SIRPG: variants seen among roughly 807,000 people sequenced by gnomAD.
SIRPG encodes the protein signal-regulatory protein gamma.
SIRPG carries 38 observed loss-of-function variants against 35.7 expected under a neutral mutation model. The observed-to-expected ratio is 1.06, with a 90% CI of 0.82 to 1.40. The LOEUF is 1.40. Among genes scored for constraint, SIRPG ranks in the 40% most tolerant of loss-of-function variants. SIRPG has a pLI of 0.00. For synonymous variants in SIRPG, 215 were observed against 190.4 expected, an observed-to-expected ratio of 1.13 and a Z score of -1.06; for missense variants, 519 against 483.0, an observed-to-expected ratio of 1.07 and a Z score of -0.70.
Position 1,649,383 on chromosome 20 carries a change from C to G in SIRPG, c.99G>C (p.Gln33His), listed in dbSNP as rs576810342. 3.1e-6 allele frequency: 5 copies of G among 1,608,808 alleles called. No individual in the cohort carries two copies. Among genetic ancestry groups the G allele is most frequent in the East Asian group, 2.2e-5 (1 of 44,748 alleles). The change falls in exon 2 of 6, where the codon CAG (glutamine) becomes CAC (histidine). Residue 33 changes from glutamine (Q) to histidine (H), a missense_variant. Coordinates refer to ENST00000303415, the MANE Select transcript of SIRPG (RefSeq NM_018556.4). ...ACAGGAGCTTCTCAGGCTGAATCAT[C>G]TGTAGCTCCTCCTCACCTGCCACTT... Reference protein sequence around the residue: ...LTEVAGEEELQMIQPEKLLLV... With the variant: ...LTEVAGEEELHMIQPEKLLLV...
At position 1,649,349 on chromosome 20, in the gene SIRPG, C is replaced by T; in HGVS notation, c.133G>A (p.Val45Ile). 1.2e-6 allele frequency: 2 copies of T among 1,614,060 alleles called. No individual in the cohort carries two copies. Among genetic ancestry groups the T allele is most frequent in the Non-Finnish European group, 8.5e-7 (1 of 1,179,988 alleles). ...CAGTGCAGAGTGGCTGTCTTTCCAA[C>T]TGTGACCAACAGGAGCTTCTCAGGC... The part of the protein sequence containing the change: ...IQPEKLLLVT[V>I]GKTATLHCTV... Residue 45 changes from valine to isoleucine, a missense_variant, in exon 2 of 6, where the codon GTT becomes ATT. Coordinates refer to ENST00000303415, the MANE Select transcript of SIRPG (RefSeq NM_018556.4).
chr20:1,632,981 T>TA (rs1406740685), intron 4 of SIRPG, among the ~76,000 whole-genome samples: 1 of 151,756 alleles, frequency 6.6e-6, no homozygotes, highest in Admixed American at 6.6e-5. Context: ...AAAAGACCAA[T>TA]AAAATGGAAA....
intron 2 of SIRPG, among the ~76,000 whole-genome samples, chr20:1,639,088 C>T (rs777211380): frequency 2.0e-5 from 3 of 152,144 alleles, no homozygotes; most frequent in African/African-American, 4.8e-5. Flanking sequence ...CATACATGTG[C>T]ATGTGTCCTC....
At position 1,649,203 on chromosome 20, in the gene SIRPG, G is replaced by T. The variant is rs917125051; in HGVS notation, c.279C>A (p.Asp93Glu). 4 of 1,614,124 alleles carry T rather than the reference G, an allele frequency of 2.5e-6. No homozygotes were observed. The highest frequency in any genetic ancestry group is 1.3e-5 in the African/African-American group (1 of 75,018). The stretch of plus-strand genomic sequence containing the variant: ...AGTCCATGTTGTTTCTCTTTGTGAG[G>T]TCTGAAACTGTTGTTACCCTGGGGA... ...GHFPRVTTVS[D>E]LTKRNNMDFS... Residue 93 changes from aspartate (D) to glutamate (E), a missense_variant, in exon 2 of 6, where the codon GAC becomes GAA. By Grantham distance (45) the Asp-to-Glu change is conservative. Transcript: ENST00000303415.
the SIRPG span, among the ~76,000 whole-genome samples, chr20:1,678,881 T>C: frequency 6.6e-6 from 1 of 152,188 alleles, no homozygotes; most frequent in Non-Finnish European, 1.5e-5. Context: ...TGTAAGATTA[T>C]CAGCTGAGTT....
the SIRPG span, among the ~76,000 whole-genome samples, chr20:1,672,809 C>A: frequency 6.6e-6 from 1 of 152,072 alleles, no homozygotes; most frequent in Non-Finnish European, 1.5e-5. Context: ...AAAGAGGGAA[C>A]GTTTTTGGAA....
the SIRPG span, among the ~76,000 whole-genome samples, chr20:1,683,785 T>C: frequency 5.9e-5 from 9 of 152,010 alleles, no homozygotes; most frequent in Non-Finnish European, 1.2e-4. Flanking sequence ...CTGGCCAACA[T>C]GGTGAAACCC....
rs1236662199 is a variant in SIRPG, at chr20:1,636,192, G to A, written c.744C>T (p.Ile248=). The A allele has an allele frequency of 1.9e-6, 3 of 1,614,142 alleles. No homozygotes were observed. The highest frequency in any genetic ancestry group is 2.2e-5 in the South Asian group (2 of 91,084). ...LRGTANLSEA[I]RVPPTLEVTQ... ...CTGGGTGTGAGGGTCCTCTACCTCG[G>A]ATGGCCTCAGACAAGTTGGCAGTCC... The change falls in exon 3 of 6, where the codon ATC becomes ATT. Residue 248 remains isoleucine (I), a synonymous_variant. Coordinates refer to ENST00000303415, the MANE Select transcript of SIRPG (RefSeq NM_018556.4).
At chr20:1,676,475 G>A in the SIRPG span, among the ~76,000 whole-genome samples, 1 of 152,198 alleles carries the variant, frequency 6.6e-6, no homozygotes, top group South Asian at 2.1e-4. Flanking sequence ...AGCTCTCTAT[G>A]TCCTGACGTG....
Position 1,657,752 on chromosome 20 carries a change from GT to G in SIRPG, c.-39del, listed in dbSNP as rs1260914300. ...AGAAGCCTGCTCTGTTCAAACGTCT[GT>G]TCTGGGGAGATGTCAGGCCCTGCTC... On this transcript the variant is annotated 5_prime_UTR_variant, in exon 1 of 6. Transcript: ENST00000303415. 6.3e-7 allele frequency: 1 copy of G among 1,587,580 alleles called. No homozygotes were observed. Among genetic ancestry groups the G allele is most frequent in the African/African-American group, 1.3e-5 (1 of 74,412 alleles).
chr20:1,673,576 C>T, the SIRPG span, among the ~76,000 whole-genome samples: 3 of 151,986 alleles, frequency 2.0e-5, no homozygotes, highest in South Asian at 2.1e-4. Context: ...GCAGAAACAC[C>T]GAGAAAAGGC....
chr20:1,679,037 T>C, the SIRPG span, among the ~76,000 whole-genome samples: 787 of 152,288 alleles, frequency 5.2e-3, 4 homozygotes, highest in African/African-American at 0.018. Context: ...AGATAAATCC[T>C]CAGCCATGGA....
At chr20:1,639,940 G>C (rs1421474249) in intron 2 of SIRPG, among the ~76,000 whole-genome samples, 1 of 152,116 alleles carries the variant, frequency 6.6e-6, no homozygotes, top group Non-Finnish European at 1.5e-5. Context: ...TAAATGTACA[G>C]CATTATTTCT....
chr20:1,648,246 G>C (rs2091911668), intron 2 of SIRPG: 1 of 152,216 alleles, frequency 6.6e-6, no homozygotes, highest in Admixed American at 6.5e-5. Context: ...CTTTTCTGAG[G>C]TGAAGGATAT....
At chr20:1,660,838 G>T (rs996264001), upstream of SIRPG, among the ~76,000 whole-genome samples, 4 of 152,152 alleles carry the variant, frequency 2.6e-5, no homozygotes, top group African/African-American at 9.7e-5. Context: ...TGCTCCAGAA[G>T]ACTAAAGATG....
chr20:1,633,426 T>C (rs915198337), intron 4 of SIRPG: 25 of 152,362 alleles, frequency 1.6e-4, no homozygotes, highest in African/African-American at 4.8e-4. Context: ...ATTGTTTTAA[T>C]AATTTTATGA....
chr20:1,635,309 C>A lies in SIRPG; in HGVS notation c.1039G>T (p.Val347Phe). The change falls in exon 4 of 6, where the codon GTC becomes TTC. Residue 347 changes from valine to phenylalanine, a missense_variant. By Grantham distance (50) the Val-to-Phe change is conservative (BLOSUM62 -1). Transcript: ENST00000303415. ...LAVSKRLALEVTVHQKDQSSD... is the reference protein window; with the variant it reads ...LAVSKRLALEFTVHQKDQSSD... ...CTCTGGTCCTTCTGGTGGACTGTGA[C>A]CTCTAGGGCAAGGCGTTTGCTGACC... The A allele has an allele frequency of 6.2e-7, 1 of 1,614,100 alleles. No homozygotes were observed. The highest frequency in any genetic ancestry group is 1.3e-5 in the African/African-American group (1 of 75,034).
the SIRPG span, among the ~76,000 whole-genome samples, chr20:1,662,842 G>A: frequency 3.3e-5 from 5 of 152,236 alleles, no homozygotes; most frequent in Non-Finnish European, 5.9e-5. Context: ...AGGATAAGAG[G>A]AATTGAAATT....
chr20:1,671,763 G>C, the SIRPG span, among the ~76,000 whole-genome samples: 1 of 152,236 alleles, frequency 6.6e-6, no homozygotes, highest in South Asian at 2.1e-4. Context: ...CCGAAGTAAA[G>C]GGATGGGTCT....
Sources: gnomAD v4.1 joint callset for allele counts (sites outside exome capture counted in the v4.1 genomes callset) on GRCh38, gnomAD v4.1.1 for gene constraint, MANE v1.5 for transcripts, NCBI Gene and HGNC (gene_info 2026-07-23, HGNC 2026-07-21) for gene names.